The following CRX variants were observed in gnomAD, a reference collection of about 807,000 sequenced individuals.
CRX encodes the protein cone-rod homeobox, also known as cone-rod homeobox protein.
In CRX, 5 loss-of-function variants were observed where a neutral mutation model predicts 13.1. That is an observed-to-expected ratio of 0.38 (90% confidence interval 0.20 to 0.80). The LOEUF (loss-of-function observed/expected upper bound fraction) is 0.80. Among genes scored for constraint, CRX ranks in the 30% least tolerant of loss-of-function variants. The pLI is 0.43. For missense variants in CRX, 351 were observed against 391.8 expected (o/e 0.90, Z 0.88); for synonymous variants, 179 against 171.1 (o/e 1.05, Z -0.36).
chr19:47,822,102 CCGTGCTCTG>C (rs1268684641), intron 1 of CRX, 92 bp downstream of exon 1: 3 of 152,548 alleles, frequency 2.0e-5, no homozygotes, highest in Non-Finnish European at 4.4e-5. Flanking sequence ...GCTGTGTTTG[CCGTGCTCTG>C]CAGGTGATGT....
At chr19:47,823,997 C>G (rs979056508) in intron 1 of CRX, among the ~76,000 whole-genome samples, 1 of 152,078 alleles carries the variant, frequency 6.6e-6, no homozygotes, top group African/African-American at 2.4e-5. Flanking sequence ...GGCCTTGGAC[C>G]CCTCATGTGG....
At chr19:47,837,199 C>T (rs1333715435) in intron 3 of CRX, among the ~76,000 whole-genome samples, 1 of 152,190 alleles carries the variant, frequency 6.6e-6, no homozygotes, top group Non-Finnish European at 1.5e-5. Flanking sequence ...TGGAGTCTCG[C>T]TCTGTCGCCC....
Position 47,825,765 on chromosome 19 carries a change from C to CA in CRX, c.-36+3765dup, listed in dbSNP as rs774130693. Among the ~76,000 whole-genome samples the CA allele has an allele frequency of 7.2e-3, 1,031 of 143,550 alleles. 28 individuals are homozygous for CA. The highest frequency in any genetic ancestry group is 0.023 in the African/African-American group (886 of 39,226). The allele number at this position is 143,550 out of a possible 152,430, so 94.2% of individuals were successfully genotyped here. The stretch of plus-strand genomic sequence containing the variant: ...AGAAACCCAATCTCTACTAAAAATA[C>CA]AAAAAAAAAATTAGCCAGGCATGAT... On this transcript the variant is annotated intron_variant, in intron 1 of 3. Coordinates refer to ENST00000221996, the MANE Select transcript of CRX (RefSeq NM_000554.6).
Position 47,836,397 on chromosome 19 carries a change from G to C in CRX, c.252+3G>C, listed in dbSNP as rs761746791. ...ATCTGCCTGAGTCCAGGGTTCAGGT[G>C]GGGTGGTGGGTCCCTGGACCCCTCC... On this transcript the variant is annotated splice_donor_region_variant and intron_variant, in intron 3 of 3. Coordinates refer to ENST00000221996, the MANE Select transcript of CRX (RefSeq NM_000554.6). The C allele has an allele frequency of 6.2e-7, 1 of 1,614,196 alleles. No individual in the cohort carries two copies. Among genetic ancestry groups the C allele is most frequent in the Non-Finnish European group, 8.5e-7 (1 of 1,180,028 alleles).
At chr19:47,833,741 G>A (rs1968082783) in intron 1 of CRX, among the ~76,000 whole-genome samples, 1 of 150,260 alleles carries the variant, frequency 6.7e-6, no homozygotes, top group South Asian at 2.1e-4. Context: ...TGCAGTCCTG[G>A]GTTATAAGTG....
rs757047835 is a variant in CRX at position 47,839,280 on chromosome 19, TC to T, written c.253-36del. On this transcript the variant is annotated intron_variant, in intron 3 of 3. Transcript: ENST00000221996. The surrounding 1 kb of genome is among the most constrained non-coding windows in gnomAD (Gnocchi z 4.6). ...CACCCTGCGGCTCTCCTGGGCCTCT[TC>T]CCCACTTACCCACCCCCATCTCCGC... is the stretch of plus-strand genomic sequence containing the variant. 1.4e-5 allele frequency: 23 copies of T among 1,597,462 alleles called. No homozygotes were observed. The highest frequency in any genetic ancestry group is 2.0e-5 in the Non-Finnish European group (23 of 1,172,426).
intron 1 of CRX, among the ~76,000 whole-genome samples, chr19:47,830,279 G>C (rs1862484): frequency 2.0e-5 from 3 of 151,206 alleles, no homozygotes; most frequent in Non-Finnish European, 4.4e-5. Flanking sequence ...GCTGCACTCC[G>C]GCCTGGATGA....
At position 47,824,301 on chromosome 19, in the gene CRX, G is replaced by T. The variant is rs191021600; in HGVS notation, c.-36+2291G>T. On this transcript the variant is annotated intron_variant, in intron 1 of 3. Coordinates refer to ENST00000221996, the MANE Select transcript of CRX (RefSeq NM_000554.6). Reference sequence around the variant, plus strand: ...CCTCCTCTGAGAAAGGGACCTCTGAGCTCCGTGGGGCTGTGGGGAGCATCC... The same window carrying T: ...CCTCCTCTGAGAAAGGGACCTCTGATCTCCGTGGGGCTGTGGGGAGCATCC... 7.8e-3 allele frequency among the ~76,000 whole-genome samples: 1,182 copies of T among 152,294 alleles called. 16 individuals are homozygous for T. Among genetic ancestry groups the T allele is most frequent in the African/African-American group, 0.027 (1,112 of 41,554 alleles).
Position 47,840,912 on chromosome 19 carries a change from C to T in CRX, c.*945C>T, listed in dbSNP as rs1452205019. 1 of 151,636 alleles carries T rather than the reference C, an allele frequency of 6.6e-6. No individual in the cohort carries two copies. 9.4% of individuals were successfully genotyped at this position (151,636 alleles called of 1,614,324 possible). ...TATTATTAGTAGAGACAGGGTTTTA[C>T]CATGTTGGCCAGGCTGGTCTGGAAC... On this transcript the variant is annotated 3_prime_UTR_variant, in exon 4 of 4. Coordinates refer to ENST00000221996, the MANE Select transcript of CRX (RefSeq NM_000554.6).
intron 1 of CRX, among the ~76,000 whole-genome samples, chr19:47,832,105 G>GTTTTTTTTTTTT (rs71180891): frequency 0.074 from 6,817 of 91,724 alleles, 1,355 homozygotes; most frequent in Non-Finnish European, 0.1. Flanking sequence ...GCAGCCTTAT[G>GTTTTTTTTTTTT]TTTTTTTTTT....
chr19:47,836,073 C>T (rs1968113795), intron 2 of CRX, among the ~76,000 whole-genome samples, 170 bp from the exon 3 acceptor site: 1 of 152,132 alleles, frequency 6.6e-6, no homozygotes, highest in Non-Finnish European at 1.5e-5. Flanking sequence ...AGGCATGAGC[C>T]ACAGAGTGCC....
intron 3 of CRX, among the ~76,000 whole-genome samples, chr19:47,838,509 G>A (rs1568625628): frequency 6.6e-6 from 1 of 152,082 alleles, no homozygotes; most frequent in Non-Finnish European, 1.5e-5. Context: ...TGTGTATGAT[G>A]TATATATGTA....
In CRX at chr19:47,841,724, C is replaced by T. The variant is rs535597064; in HGVS notation, c.*1757C>T. The stretch of plus-strand genomic sequence containing the variant: ...GCAAGCACTTGTGAGAACCTGAAGA[C>T]GGATTGAGGTCATTTGATGCTCAGA... On this transcript the variant is annotated 3_prime_UTR_variant, in exon 4 of 4. Coordinates refer to ENST00000221996, the MANE Select transcript of CRX (RefSeq NM_000554.6). 2.6e-5 allele frequency: 4 copies of T among 151,990 alleles called. No individual in the cohort carries two copies. Among genetic ancestry groups the T allele is most frequent in the Non-Finnish European group, 4.4e-5 (3 of 67,982 alleles). The allele number at this position is 151,990 out of a possible 1,614,324, so 9.4% of individuals were successfully genotyped here.
At chr19:47,828,465 TG>T (rs748100654) in intron 1 of CRX, among the ~76,000 whole-genome samples, 25 of 152,046 alleles carry the variant, frequency 1.6e-4, no homozygotes, top group Non-Finnish European at 3.4e-4. Context: ...AAATATTTAT[TG>T]GGGGTGCTGG....
At position 47,836,370 on chromosome 19, in the gene CRX, C is replaced by T; in HGVS notation, c.228C>T (p.Ile76=). Residue 76 remains isoleucine, a synonymous_variant, in exon 3 of 4, where the codon ATC becomes ATT. Transcript: ENST00000221996. The part of the protein sequence containing the change: ...VYAREEVALK[I]NLPESRVQVW... ...CCCGTGAGGAGGTGGCTCTGAAGAT[C>T]AATCTGCCTGAGTCCAGGGTTCAGG... 1 of 1,614,228 alleles carries T rather than the reference C, an allele frequency of 6.2e-7. No homozygotes were observed. The highest frequency in any genetic ancestry group is 2.2e-5 in the East Asian group (1 of 44,888).
At chr19:47,836,955 C>T (rs182590568) in intron 3 of CRX, among the ~76,000 whole-genome samples, 6 of 151,882 alleles carry the variant, frequency 4.0e-5, no homozygotes, top group African/African-American at 4.8e-5. Context: ...TGTAGGTGTG[C>T]GTGTGCATGT....
chr19:47,823,604 C>G (rs1441759228), intron 1 of CRX, among the ~76,000 whole-genome samples: 1 of 149,774 alleles, frequency 6.7e-6, no homozygotes, highest in Non-Finnish European at 1.5e-5. Flanking sequence ...TGTGGCTGAG[C>G]TGGGAGGGTC....
In CRX at chr19:47,840,400, TTTG is replaced by T; in HGVS notation, c.*436_*438del. On this transcript the variant is annotated 3_prime_UTR_variant, in exon 4 of 4. Transcript: ENST00000221996. ...TTTCCACGTGGACAGAATTTTTTTT[TTTG>T]TTTTGTTTTTGTTTTGCAGACACAG... is the stretch of plus-strand genomic sequence containing the variant. The T allele has an allele frequency of 4.6e-6, 1 of 217,300 alleles. No individual in the cohort carries two copies. Among genetic ancestry groups the T allele is most frequent in the African/African-American group, 2.3e-5 (1 of 43,102 alleles). 13.5% of individuals were successfully genotyped at this position (217,300 alleles called of 1,614,324 possible). A position where few individuals can be genotyped will look rare whatever the true frequency, so the allele number is the denominator to read the frequency against.
At chr19:47,834,226 G>A (rs965226364) in intron 1 of CRX, among the ~76,000 whole-genome samples, 183 bp from the exon 2 acceptor site, 2 of 152,166 alleles carry the variant, frequency 1.3e-5, no homozygotes, top group South Asian at 2.1e-4. Flanking sequence ...TCTCAAGAAA[G>A]CTCTGAGAAC....
Sources: gnomAD v4.1 joint callset for allele counts (sites outside exome capture counted in the v4.1 genomes callset) on GRCh38, gnomAD v4.1.1 for gene constraint, Gnocchi (gnomAD v3.1) non-coding constraint, MANE v1.5 for transcripts, NCBI Gene and HGNC (gene_info 2026-07-23, HGNC 2026-07-21) for gene names.